Variants in PKIB observed in about 807,000 individuals in gnomAD.
PKIB encodes PKI-beta.
A neutral mutation model predicts 4.5 loss-of-function variants in PKIB; 2 were observed. The ratio of observed to expected loss-of-function variants is 0.44; its 90% CI spans 0.18 to 1.39. PKIB has a LOEUF of 1.39. Among genes scored for constraint, PKIB ranks in the 40% most tolerant of loss-of-function variants. PKIB has a pLI of 0.27. For synonymous variants in PKIB, 38 were observed against 36.0 expected, an observed-to-expected ratio of 1.06 and a Z score of -0.20; for missense variants, 94 against 92.6, an observed-to-expected ratio of 1.02 and a Z score of -0.06.
At chr6:122,672,977 A>G (rs972308513) in intron 2 of PKIB, among the ~76,000 whole-genome samples, 1 of 152,128 alleles carries the variant, frequency 6.6e-6, no homozygotes, top group African/African-American at 2.4e-5. Flanking sequence ...TGTGTTAAGC[A>G]TATCTTCATT....
chr6:122,512,367 T>C (rs903476348), intron 2 of PKIB, among the ~76,000 whole-genome samples: 1 of 152,194 alleles, frequency 6.6e-6, no homozygotes, highest in Non-Finnish European at 1.5e-5. Flanking sequence ...CTTCTCATTT[T>C]ATATCAGATA....
At chr6:122,576,715 C>T (rs9490484) in intron 2 of PKIB, among the ~76,000 whole-genome samples, 42,048 of 98,100 alleles carry the variant, frequency 0.43, 8,224 homozygotes, top group East Asian at 0.54. Flanking sequence ...TATATATTTT[C>T]TTTTGTATAA....
chr6:122,507,771 C>T (rs1776457700), intron 2 of PKIB, among the ~76,000 whole-genome samples: 1 of 151,780 alleles, frequency 6.6e-6, no homozygotes, highest in Non-Finnish European at 1.5e-5. Flanking sequence ...CAAACAAACC[C>T]TCTTTCCCGT....
chr6:122,504,259 C>T (rs1472324260), intron 2 of PKIB, among the ~76,000 whole-genome samples: 6 of 152,132 alleles, frequency 3.9e-5, no homozygotes, highest in Non-Finnish European at 7.4e-5. Context: ...TTGCTTCTTT[C>T]TCTTTCTGGT....
At chr6:122,486,437 AT>A (rs1389428099) in intron 2 of PKIB, among the ~76,000 whole-genome samples, 1 of 151,996 alleles carries the variant, frequency 6.6e-6, no homozygotes, top group Non-Finnish European at 1.5e-5. Context: ...CGTCTTCTAT[AT>A]TTATTATTTC....
chr6:122,642,453 A>G (rs1284809740), intron 2 of PKIB, among the ~76,000 whole-genome samples: 4 of 152,240 alleles, frequency 2.6e-5, no homozygotes, highest in Non-Finnish European at 5.9e-5. Context: ...CCTCGTTAGA[A>G]AAATGAAGTC....
intron 2 of PKIB, among the ~76,000 whole-genome samples, chr6:122,649,010 A>T (rs1023310384): frequency 6.6e-6 from 1 of 152,242 alleles, no homozygotes; most frequent in Admixed American, 6.5e-5. Flanking sequence ...TGGGGAAAGA[A>T]GTGCAGTATC....
intron 2 of PKIB, among the ~76,000 whole-genome samples, chr6:122,667,240 T>C (rs959038400): frequency 6.6e-6 from 1 of 152,196 alleles, no homozygotes; most frequent in Non-Finnish European, 1.5e-5. Flanking sequence ...CAATTTCCTC[T>C]TTAACCTCAG....
At chr6:122,689,908 A>C (rs940585588) in intron 3 of PKIB, among the ~76,000 whole-genome samples, 1 of 152,144 alleles carries the variant, frequency 6.6e-6, no homozygotes, top group African/African-American at 2.4e-5. Context: ...CAGCTCTAAT[A>C]ATATTTGCTT....
chr6:122,541,443 G>A (rs1222607520), intron 2 of PKIB, among the ~76,000 whole-genome samples: 1 of 151,766 alleles, frequency 6.6e-6, no homozygotes, highest in Non-Finnish European at 1.5e-5. Context: ...CACTTATGAA[G>A]CTTAGTTTGG....
chr6:122,626,073 TATAG>T lies in PKIB; in HGVS notation c.-160-7188_-160-7185del, dbSNP rs61494727. Among the ~76,000 whole-genome samples, 22 of 151,094 alleles carry T rather than the reference TATAG, an allele frequency of 1.5e-4. No homozygotes were observed. The East Asian group carries it at 1.6e-3, about 11-fold the overall frequency. On this transcript the variant is annotated intron_variant, in intron 1 of 4. Coordinates refer to ENST00000368452, the MANE Select transcript of PKIB (RefSeq NM_181795.3). ...GACAGAGAGAGATCCAATTTCAAAA[TATAG>T]ATAGATAGATAGATAGATAGAGATA...
intron 3 of PKIB, among the ~76,000 whole-genome samples, chr6:122,590,559 G>C (rs1435761781): frequency 1.3e-5 from 2 of 152,158 alleles, no homozygotes; most frequent in Non-Finnish European, 2.9e-5. Context: ...CAGTGGAAGT[G>C]TATAAATGTA....
At chr6:122,667,628 A>G (rs1245723844) in intron 2 of PKIB, among the ~76,000 whole-genome samples, 1 of 152,252 alleles carries the variant, frequency 6.6e-6, no homozygotes, top group Non-Finnish European at 1.5e-5. Context: ...TTTGAGGATT[A>G]TAATATAGGT....
At chr6:122,647,691 GAA>G (rs1776381539) in intron 2 of PKIB, among the ~76,000 whole-genome samples, 1 of 152,178 alleles carries the variant, frequency 6.6e-6, no homozygotes, top group South Asian at 2.1e-4. Context: ...AAAGAGGAAA[GAA>G]AGCAAAAATC....
chr6:122,529,107 T>A (rs983727722), intron 2 of PKIB, among the ~76,000 whole-genome samples: 7 of 152,182 alleles, frequency 4.6e-5, no homozygotes, highest in African/African-American at 1.7e-4. Context: ...TTGTTAACTG[T>A]TGTTTGTATA....
At chr6:122,585,772 T>G (rs1347234639) in intron 2 of PKIB, 1 of 152,178 alleles carries the variant, frequency 6.6e-6, no homozygotes, top group Non-Finnish European at 1.5e-5. Context: ...TTACAAAATT[T>G]TTTAAAATGT....
intron 2 of PKIB, among the ~76,000 whole-genome samples, chr6:122,519,531 T>A (rs1776870974): frequency 6.6e-6 from 1 of 152,154 alleles, no homozygotes; most frequent in Admixed American, 6.5e-5. Context: ...ACCACTGTTT[T>A]AGGTTATACA....
chr6:122,529,241 T>G (rs936177128), intron 2 of PKIB, among the ~76,000 whole-genome samples: 1 of 152,204 alleles, frequency 6.6e-6, no homozygotes. Flanking sequence ...TTCTTTGTGG[T>G]TTTCATTGCA....
intron 1 of PKIB, among the ~76,000 whole-genome samples, chr6:122,623,549 G>A (rs1009461020): frequency 9.9e-5 from 15 of 152,040 alleles, no homozygotes; most frequent in African/African-American, 3.1e-4. Context: ...GTAACTGTTT[G>A]CCTACTGATT....
Sources: gnomAD v4.1 joint callset for allele counts (sites outside exome capture counted in the v4.1 genomes callset) on GRCh38, gnomAD v4.1.1 for gene constraint, MANE v1.5 for transcripts, NCBI Gene and HGNC (gene_info 2026-07-23, HGNC 2026-07-21) for gene names.